The following GNAI1 variants were observed in gnomAD, a reference collection of about 807,000 sequenced individuals.
The protein encoded by GNAI1 is G protein subunit alpha i1, also known as guanine nucleotide-binding protein G(i) subunit alpha-1.
In GNAI1, 11 loss-of-function variants were observed where a neutral mutation model predicts 38.9. That is an observed-to-expected ratio of 0.28 (90% CI 0.18 to 0.47). The LOEUF (loss-of-function observed/expected upper bound fraction) is 0.47, where lower values mean the gene tolerates loss of function less well. Ranked by LOEUF, GNAI1 falls within the 20% of genes least tolerant of loss-of-function variation. GNAI1 has a pLI of 0.99. For synonymous variants in GNAI1, 166 were observed against 145.1 expected (o/e 1.14, Z -1.04); for missense variants, 317 against 436.9 (o/e 0.73, Z 2.45).
At chr7:80,185,808 A>G (rs955089917) in intron 1 of GNAI1, among the ~76,000 whole-genome samples, 5 of 152,140 alleles carry the variant, frequency 3.3e-5, no homozygotes, top group African/African-American at 1.2e-4. Flanking sequence ...AGAAAATACC[A>G]GTGTTCAGAA....
chr7:80,185,921 C>A (rs1053732304), intron 1 of GNAI1, among the ~76,000 whole-genome samples: 1 of 151,534 alleles, frequency 6.6e-6, no homozygotes, highest in African/African-American at 2.4e-5. Flanking sequence ...AGCTTTGAAA[C>A]GTTTTTGCAA....
intron 1 of GNAI1, among the ~76,000 whole-genome samples, chr7:80,159,542 C>G (rs984195675): frequency 2.6e-5 from 4 of 152,118 alleles, no homozygotes; most frequent in African/African-American, 4.8e-5. Flanking sequence ...TGTTTCAATA[C>G]ATGTATACGT....
intron 1 of GNAI1, among the ~76,000 whole-genome samples, chr7:80,176,936 C>CAAA (rs374205117): frequency 4.2e-5 from 3 of 71,244 alleles, no homozygotes; most frequent in South Asian, 5.6e-4. Flanking sequence ...GACTCTGTCT[C>CAAA]AAAAAAAAAA....
At chr7:80,142,345 C>G (rs1787541487) in intron 1 of GNAI1, among the ~76,000 whole-genome samples, 1 of 152,218 alleles carries the variant, frequency 6.6e-6, no homozygotes, top group African/African-American at 2.4e-5. Context: ...CAGTTTCTTA[C>G]ATGTCATATT....
intron 1 of GNAI1, among the ~76,000 whole-genome samples, chr7:80,172,579 T>G (rs545418395): frequency 6.6e-6 from 1 of 152,324 alleles, no homozygotes; most frequent in South Asian, 2.1e-4. Context: ...CAGAGTTGTC[T>G]TTTTCACATA....
Position 80,135,288 on chromosome 7 carries a change from G to T in GNAI1, c.118+10G>T, listed in dbSNP as rs1239908073. Reference sequence around the variant, plus strand: ...AAGCTGCTGCTGCTCGGTAAGGGCGGCCGGGTCGGGGCCCGGGGGTCGGCG... The same window carrying T: ...AAGCTGCTGCTGCTCGGTAAGGGCGTCCGGGTCGGGGCCCGGGGGTCGGCG... On this transcript the variant is annotated intron_variant, in intron 1 of 7. Coordinates refer to ENST00000649796, the MANE Select transcript of GNAI1 (RefSeq NM_002069.6). 7.0e-7 allele frequency: 1 copy of T among 1,433,102 alleles called. No homozygotes were observed. The highest frequency in any genetic ancestry group is 9.2e-7 in the Non-Finnish European group (1 of 1,084,610). 88.8% of individuals were successfully genotyped at this position (1,433,102 alleles called of 1,614,324 possible). A position where few individuals can be genotyped will look rare whatever the true frequency, so the allele number is the denominator to read the frequency against.
intron 5 of GNAI1, 27 bp from the exon 6 acceptor site, chr7:80,210,942 A>G (rs764169636): frequency 3.1e-6 from 5 of 1,603,364 alleles, no homozygotes; most frequent in South Asian, 1.1e-5. Context: ...ATTTAATGTG[A>G]TGTTAACTCA....
chr7:80,135,187 C>A lies in GNAI1; in HGVS notation c.27C>A (p.Asp9Glu). The change falls in exon 1 of 8, where the codon GAC becomes GAA. Residue 9 changes from aspartate (D) to glutamate (E), a missense_variant. Transcript: ENST00000649796. Reference protein sequence around the residue: MGCTLSAEDKAAVERSKMI... With the variant: MGCTLSAEEKAAVERSKMI... ...TGGGCTGCACGCTGAGCGCCGAGGA[C>A]AAGGCGGCGGTGGAGCGGAGTAAGA... 1.3e-6 allele frequency: 2 copies of A among 1,549,212 alleles called. No individual in the cohort carries two copies. Among genetic ancestry groups the A allele is most frequent in the African/African-American group, 2.8e-5 (2 of 70,420 alleles).
At chr7:80,185,413 A>G (rs750128732) in intron 1 of GNAI1, among the ~76,000 whole-genome samples, 9 of 152,114 alleles carry the variant, frequency 5.9e-5, no homozygotes, top group South Asian at 2.1e-4. Flanking sequence ...CTGAATTCCA[A>G]TTTAACAGCT....
intron 1 of GNAI1, among the ~76,000 whole-genome samples, chr7:80,137,059 C>G (rs1787427683): frequency 6.6e-6 from 1 of 152,026 alleles, no homozygotes. Flanking sequence ...AGTAGCAGCC[C>G]CCTAACCTGT....
intron 5 of GNAI1, among the ~76,000 whole-genome samples, chr7:80,205,051 G>A (rs1003740071): frequency 3.9e-5 from 6 of 151,988 alleles, no homozygotes; most frequent in African/African-American, 1.2e-4. Flanking sequence ...CATTTAAAAT[G>A]TCACATGTCC....
intron 4 of GNAI1, among the ~76,000 whole-genome samples, chr7:80,201,415 C>T (rs1375349810): frequency 2.0e-5 from 3 of 152,228 alleles, no homozygotes; most frequent in East Asian, 3.9e-4. Flanking sequence ...ACTACTTGGA[C>T]GTGAGTTAAC....
intron 1 of GNAI1, among the ~76,000 whole-genome samples, chr7:80,155,469 A>G (rs1787802574): frequency 6.6e-6 from 1 of 152,170 alleles, no homozygotes; most frequent in South Asian, 2.1e-4. Flanking sequence ...TCCGTTAGGT[A>G]GTTAGAGGTT....
chr7:80,181,081 C>G (rs1443626993), intron 1 of GNAI1, among the ~76,000 whole-genome samples: 1 of 151,874 alleles, frequency 6.6e-6, no homozygotes, highest in South Asian at 2.1e-4. Context: ...ATCACTGTAT[C>G]TTAAGTGATT....
At chr7:80,157,085 C>A (rs1441100777) in intron 1 of GNAI1, among the ~76,000 whole-genome samples, 2 of 152,148 alleles carry the variant, frequency 1.3e-5, no homozygotes, top group Admixed American at 1.3e-4. Flanking sequence ...GTTTTACTGC[C>A]CTTAAAATCC....
In GNAI1 at chr7:80,218,038, A is replaced by G. The variant is rs1017085030; in HGVS notation, c.*545A>G. On this transcript the variant is annotated 3_prime_UTR_variant, in exon 8 of 8. Coordinates refer to ENST00000649796, the MANE Select transcript of GNAI1 (RefSeq NM_002069.6). ...TATTAATAAAAATGTTATTTGTACA[A>G]ACATTGCACAGACTATTTTAATAAC... The G allele has an allele frequency of 6.6e-6, 1 of 152,584 alleles. No individual in the cohort carries two copies. Among genetic ancestry groups the G allele is most frequent in the South Asian group, 2.1e-4 (1 of 4,828 alleles). The allele number at this position is 152,584 out of a possible 1,614,324, so 9.5% of individuals were successfully genotyped here.
chr7:80,135,676 C>T, intron 1 of GNAI1: 3 of 366,968 alleles, frequency 8.2e-6, no homozygotes, highest in Non-Finnish European at 1.1e-5. Flanking sequence ...CCAACCCCCT[C>T]CCGGAAAACC....
intron 1 of GNAI1, among the ~76,000 whole-genome samples, chr7:80,147,925 A>G (rs911921129): frequency 2.0e-5 from 3 of 152,168 alleles, no homozygotes; most frequent in Admixed American, 1.3e-4. Flanking sequence ...TGCATTTTCT[A>G]AATATGTGGG....
chr7:80,185,621 G>A lies in GNAI1; in HGVS notation c.119-3330G>A, dbSNP rs561117257. Among the ~76,000 whole-genome samples the A allele has an allele frequency of 3.9e-5, 6 of 152,120 alleles. No individual in the cohort carries two copies. In the South Asian group the frequency reaches 8.3e-4, roughly 21 times the overall value. On this transcript the variant is annotated intron_variant, in intron 1 of 7. Coordinates refer to ENST00000649796, the MANE Select transcript of GNAI1 (RefSeq NM_002069.6). ...TTTGCGGTTTCCTCTATCTCTGTTCGGTGGCCCTACTACGATTAAACTTCT... is the reference window on the plus strand; with the variant it reads ...TTTGCGGTTTCCTCTATCTCTGTTCAGTGGCCCTACTACGATTAAACTTCT...
Sources: gnomAD v4.1 joint callset for allele counts (sites outside exome capture counted in the v4.1 genomes callset) on GRCh38, gnomAD v4.1.1 for gene constraint, MANE v1.5 for transcripts, NCBI Gene and HGNC (gene_info 2026-07-23, HGNC 2026-07-21) for gene names.